PTPRM: variants seen among roughly 807,000 people sequenced by gnomAD.
The protein encoded by PTPRM is protein tyrosine phosphatase receptor type M, also known as receptor-type tyrosine-protein phosphatase mu.
A neutral mutation model predicts 186.7 loss-of-function variants in PTPRM; 47 were observed. The ratio of observed to expected loss-of-function variants is 0.25; its 90% CI spans 0.20 to 0.32. The LOEUF is 0.32. Among genes scored for constraint, PTPRM ranks in the 10% least tolerant of loss-of-function variants. PTPRM has a pLI of 1.00. For missense variants in PTPRM, 1,494 were observed against 1,865.0 expected, an observed-to-expected ratio of 0.80 and a Z score of 3.66; for synonymous variants, 668 against 674.9, an observed-to-expected ratio of 0.99 and a Z score of 0.16.
intron 7 of PTPRM, among the ~76,000 whole-genome samples, chr18:7,991,003 A>G (rs1308746922): frequency 6.6e-6 from 1 of 152,194 alleles, no homozygotes; most frequent in Non-Finnish European, 1.5e-5. Context: ...CTGACCCAGT[A>G]TAATTGAGTG....
At chr18:8,198,144 T>C (rs1397120905) in intron 14 of PTPRM, among the ~76,000 whole-genome samples, 1 of 152,104 alleles carries the variant, frequency 6.6e-6, no homozygotes. Flanking sequence ...TAAAGTAAAA[T>C]TTTGCCTTTT....
chr18:7,727,453 T>C (rs1340374844), intron 1 of PTPRM, among the ~76,000 whole-genome samples: 2 of 152,238 alleles, frequency 1.3e-5, no homozygotes, highest in African/African-American at 4.8e-5. Context: ...TAAGTGTATA[T>C]ACTCAGATAA....
chr18:7,940,452 G>T (rs184780660), intron 5 of PTPRM, among the ~76,000 whole-genome samples: 2 of 152,200 alleles, frequency 1.3e-5, no homozygotes, highest in Admixed American at 6.5e-5. Flanking sequence ...TAGGCGTCAG[G>T]TTAGGCCTCA....
intron 19 of PTPRM, among the ~76,000 whole-genome samples, chr18:8,282,275 G>A (rs1357378389): frequency 6.6e-6 from 1 of 152,146 alleles, no homozygotes; most frequent in Non-Finnish European, 1.5e-5. Flanking sequence ...ACCAAATGTT[G>A]GTGAGAATGG....
intron 2 of PTPRM, among the ~76,000 whole-genome samples, chr18:7,800,831 A>G (rs1342540056): frequency 1.3e-5 from 2 of 152,242 alleles, no homozygotes; most frequent in Non-Finnish European, 2.9e-5. Context: ...ACAAACCTGT[A>G]CAGCATGTTA....
At chr18:8,098,488 A>G (rs1046931638) in intron 11 of PTPRM, among the ~76,000 whole-genome samples, 1 of 152,202 alleles carries the variant, frequency 6.6e-6, no homozygotes, top group Non-Finnish European at 1.5e-5. Flanking sequence ...AGTGGGACAT[A>G]CCAGGAACAA....
At position 7,574,305 on chromosome 18, in the gene PTPRM, T is replaced by A. The variant is rs148870060; in HGVS notation, c.73+6414T>A. On this transcript the variant is annotated intron_variant, in intron 1 of 32. Coordinates refer to ENST00000580170, the MANE Select transcript of PTPRM (RefSeq NM_001105244.2). ...TGAATAAAAAAGTTTCCTATGTTTT[T>A]ACTTACCACGATGTAACAATTAAAT... is the stretch of plus-strand genomic sequence containing the variant. Among the ~76,000 whole-genome samples, 816 of 152,344 alleles carry A rather than the reference T, an allele frequency of 5.4e-3. 6 individuals carry two copies. Among genetic ancestry groups the A allele is most frequent in the Middle Eastern group, 0.017 (5 of 294 alleles).
Position 7,682,988 on chromosome 18 carries a change from G to C in PTPRM, c.74-91161G>C, listed in dbSNP as rs1339900582. ...AAGCCAGTTTATAAGAGAGAAGCTTGTTCCTTGTTTGCTTTTTACCTGCTG... is the reference window on the plus strand; with the variant it reads ...AAGCCAGTTTATAAGAGAGAAGCTTCTTCCTTGTTTGCTTTTTACCTGCTG... On this transcript the variant is annotated intron_variant, in intron 1 of 32. Transcript: ENST00000580170. Among the ~76,000 whole-genome samples, 4 of 152,184 alleles carry C rather than the reference G, an allele frequency of 2.6e-5. No homozygotes were observed. The East Asian group carries it at 5.8e-4, about 22-fold the overall frequency.
intron 23 of PTPRM, among the ~76,000 whole-genome samples, chr18:8,344,448 G>GTGTATATATATATATATATATATATATA (rs1360655194): frequency 1.2e-4 from 4 of 33,426 alleles, no homozygotes; most frequent in South Asian, 1.1e-3. Context: ...GTGTGTGTGT[G>GTGTATATATATATATATATATATATATA]TATATATATA....
chr18:7,850,171 T>C (rs544547652), intron 2 of PTPRM, among the ~76,000 whole-genome samples: 1 of 152,346 alleles, frequency 6.6e-6, no homozygotes, highest in African/African-American at 2.4e-5. Context: ...TGTATATGCA[T>C]GTTTACAACA....
At chr18:7,780,911 C>G (rs942676905) in intron 2 of PTPRM, among the ~76,000 whole-genome samples, 8 of 152,080 alleles carry the variant, frequency 5.3e-5, no homozygotes, top group Admixed American at 2.6e-4. Context: ...GGAGTGTGCT[C>G]TGCTGGAGCT....
chr18:8,170,623 T>G, intron 14 of PTPRM, among the ~76,000 whole-genome samples: 1 of 152,056 alleles, frequency 6.6e-6, no homozygotes, highest in East Asian at 1.9e-4. Context: ...TACAAATAAA[T>G]GTTAAGACTC....
intron 14 of PTPRM, among the ~76,000 whole-genome samples, chr18:8,238,996 A>T (rs140844309): frequency 0.22 from 32,094 of 145,418 alleles, 3,786 homozygotes; most frequent in African/African-American, 0.3. Flanking sequence ...TTTTTAATTT[A>T]ATTTTATTAT....
At chr18:7,765,543 G>GT (rs1412522450) in intron 1 of PTPRM, among the ~76,000 whole-genome samples, 11 of 151,526 alleles carry the variant, frequency 7.3e-5, no homozygotes, top group South Asian at 4.2e-4. Context: ...TGTTGGTATA[G>GT]TTTTTTTTTA....
intron 2 of PTPRM, among the ~76,000 whole-genome samples, chr18:7,777,713 G>C (rs555662995): frequency 6.6e-6 from 1 of 152,254 alleles, no homozygotes; most frequent in East Asian, 1.9e-4. Context: ...ATCAAAATCA[G>C]TAAGAAAAAG....
chr18:7,981,137 G>A (rs949230181), intron 7 of PTPRM, among the ~76,000 whole-genome samples: 2 of 152,024 alleles, frequency 1.3e-5, no homozygotes, highest in African/African-American at 4.8e-5. Flanking sequence ...TCTCCCGCTG[G>A]TTTTCTACTA....
At chr18:8,392,350 C>T (rs988811841) in intron 31 of PTPRM, among the ~76,000 whole-genome samples, 2 of 152,220 alleles carry the variant, frequency 1.3e-5, no homozygotes, top group East Asian at 1.9e-4. Flanking sequence ...CATGGCCGGG[C>T]GCGGTGGCTC....
chr18:7,655,200 C>G (rs926874689), intron 1 of PTPRM, among the ~76,000 whole-genome samples: 3 of 151,648 alleles, frequency 2.0e-5, no homozygotes, highest in South Asian at 2.1e-4. Context: ...TTTTTTGTTT[C>G]TTTCTTTCTT....
At chr18:7,652,097 T>C (rs56351448) in intron 1 of PTPRM, among the ~76,000 whole-genome samples, 1 of 152,156 alleles carries the variant, frequency 6.6e-6, no homozygotes, top group Non-Finnish European at 1.5e-5. Flanking sequence ...GCGAAGGACA[T>C]GGACACACTC....
Sources: allele counts gnomAD v4.1 joint callset (sites outside exome capture counted in the v4.1 genomes callset), GRCh38; gene constraint gnomAD v4.1.1; transcripts MANE v1.5; gene names NCBI Gene and HGNC (gene_info 2026-07-23, HGNC 2026-07-21).